Variants in CA10 observed in about 807,000 individuals in gnomAD.
The protein encoded by CA10 is carbonic anhydrase-related protein 10.
CA10 carries 14 observed loss-of-function variants against 44.2 expected under a neutral mutation model. That is an observed-to-expected ratio of 0.32 (90% CI 0.21 to 0.50). The LOEUF (loss-of-function observed/expected upper bound fraction) is 0.50, where lower values mean the gene tolerates loss of function less well. Ranked by LOEUF, CA10 falls within the 20% of genes least tolerant of loss-of-function variation. The pLI is 0.99. For missense variants in CA10, 350 were observed against 409.7 expected, an observed-to-expected ratio of 0.85 and a Z score of 1.26; for synonymous variants, 159 against 141.6, an observed-to-expected ratio of 1.12 and a Z score of -0.87.
intron 1 of CA10, among the ~76,000 whole-genome samples, chr17:52,074,245 A>G (rs1010471370): frequency 7.9e-5 from 12 of 152,156 alleles, no homozygotes; most frequent in Non-Finnish European, 1.8e-4. Context: ...AAAAACAACA[A>G]CAAGAAAACC....
At chr17:51,676,376 C>A (rs1039603298) in intron 4 of CA10, among the ~76,000 whole-genome samples, 3 of 152,168 alleles carry the variant, frequency 2.0e-5, no homozygotes, top group African/African-American at 4.8e-5. Flanking sequence ...TGCTCACTTG[C>A]TCTTACTCCT....
At chr17:51,926,633 C>G (rs780866565) in intron 3 of CA10, among the ~76,000 whole-genome samples, 1 of 152,192 alleles carries the variant, frequency 6.6e-6, no homozygotes, top group African/African-American at 2.4e-5. Context: ...CCAGAGGCCT[C>G]CTTGGCTCAT....
rs564792338 is a variant in CA10 at position 52,088,177 on chromosome 17, G to A, written c.62-15784C>T. ...AATAATCTGTAAAACAAGCCCTCTTGACACAAGTTTACCTATGTAACAAAC... is the reference window on the plus strand; with the variant it reads ...AATAATCTGTAAAACAAGCCCTCTTAACACAAGTTTACCTATGTAACAAAC... On this transcript the variant is annotated intron_variant, in intron 1 of 8. Transcript: ENST00000451037. Among the ~76,000 whole-genome samples the A allele has an allele frequency of 1.2e-3, 187 of 152,158 alleles. 1 individual carries two copies. The highest frequency in any genetic ancestry group is 4.2e-3 in the African/African-American group (175 of 41,516).
At chr17:51,960,520 A>G (rs1267213970) in intron 2 of CA10, among the ~76,000 whole-genome samples, 1 of 152,208 alleles carries the variant, frequency 6.6e-6, no homozygotes, top group Non-Finnish European at 1.5e-5. Context: ...AACACTTTAC[A>G]TATAGAAAAA....
chr17:51,754,847 CTT>C (rs1382228771), intron 3 of CA10, among the ~76,000 whole-genome samples: 1 of 152,076 alleles, frequency 6.6e-6, no homozygotes, highest in Non-Finnish European at 1.5e-5. Flanking sequence ...TCAAATAGCT[CTT>C]AACCAAATAG....
intron 1 of CA10, among the ~76,000 whole-genome samples, chr17:52,113,690 C>T (rs983303752): frequency 1.3e-5 from 2 of 152,108 alleles, no homozygotes; most frequent in Non-Finnish European, 2.9e-5. Context: ...TTAACCAAAA[C>T]ACAAGAAAAT....
intron 1 of CA10, among the ~76,000 whole-genome samples, chr17:52,127,673 C>T (rs960105188): frequency 3.3e-5 from 5 of 152,150 alleles, no homozygotes; most frequent in Non-Finnish European, 7.3e-5. Flanking sequence ...GTAGGTAAAT[C>T]CCAAGAGGTG....
At chr17:52,064,645 C>T (rs193011957) in intron 2 of CA10, among the ~76,000 whole-genome samples, 1 of 151,910 alleles carries the variant, frequency 6.6e-6, no homozygotes, top group African/African-American at 2.4e-5. Flanking sequence ...GTATAATTAC[C>T]TTCCTTGTCC....
intron 1 of CA10, among the ~76,000 whole-genome samples, chr17:52,110,512 G>A (rs1179582296): frequency 6.6e-6 from 1 of 152,338 alleles, no homozygotes; most frequent in East Asian, 1.9e-4. Flanking sequence ...TAATACCACT[G>A]TATCCTAGGT....
chr17:52,021,946 G>A (rs1349475907), intron 2 of CA10, among the ~76,000 whole-genome samples: 1 of 151,948 alleles, frequency 6.6e-6, no homozygotes, highest in African/African-American at 2.4e-5. Context: ...CCAGGACCAG[G>A]TGGATTCACA....
chr17:52,087,080 T>C (rs1453857187), intron 1 of CA10, among the ~76,000 whole-genome samples: 9 of 152,184 alleles, frequency 5.9e-5, no homozygotes, highest in East Asian at 3.8e-4. Flanking sequence ...AACAACTCAA[T>C]TGGCTACAGA....
intron 4 of CA10, among the ~76,000 whole-genome samples, chr17:51,746,903 T>C (rs1904708758): frequency 6.6e-6 from 1 of 152,246 alleles, no homozygotes; most frequent in Non-Finnish European, 1.5e-5. Context: ...TTGAGGACTC[T>C]TAAGCAGAAA....
At chr17:51,743,977 C>A (rs1454050180) in intron 4 of CA10, among the ~76,000 whole-genome samples, 2 of 152,172 alleles carry the variant, frequency 1.3e-5, no homozygotes, top group Non-Finnish European at 2.9e-5. Context: ...GATATGTTGA[C>A]TTTTACTGAG....
At chr17:51,709,103 G>T (rs1258273371) in intron 4 of CA10, among the ~76,000 whole-genome samples, 2 of 149,478 alleles carry the variant, frequency 1.3e-5, no homozygotes, top group African/African-American at 2.6e-5. Context: ...TACAGATTCT[G>T]AGGGCAGAAA....
At chr17:51,789,033 A>G (rs1448721566) in intron 3 of CA10, among the ~76,000 whole-genome samples, 5 of 152,052 alleles carry the variant, frequency 3.3e-5, no homozygotes, top group African/African-American at 1.2e-4. Flanking sequence ...TTTTTGAGAT[A>G]GAGTCTCTCT....
At chr17:51,944,502 C>T (rs965446829) in intron 2 of CA10, among the ~76,000 whole-genome samples, 1 of 152,100 alleles carries the variant, frequency 6.6e-6, no homozygotes, top group Non-Finnish European at 1.5e-5. Context: ...TTAACAAGAA[C>T]ATAATTTATC....
At chr17:51,663,197 C>CT (rs772717489) in intron 4 of CA10, among the ~76,000 whole-genome samples, 4 of 142,052 alleles carry the variant, frequency 2.8e-5, no homozygotes, top group Admixed American at 1.4e-4. Flanking sequence ...TTCCGTGATG[C>CT]TTTTTTTTTT....
intron 3 of CA10, among the ~76,000 whole-genome samples, chr17:51,919,105 T>TA (rs1452462224): frequency 1.3e-5 from 2 of 152,192 alleles, no homozygotes; most frequent in Non-Finnish European, 2.9e-5. Context: ...AGCATTTTCT[T>TA]AAGTCCTTCA....
At chr17:51,877,542 C>A (rs1166597955) in intron 3 of CA10, among the ~76,000 whole-genome samples, 1 of 152,132 alleles carries the variant, frequency 6.6e-6, no homozygotes, top group Admixed American at 6.5e-5. Flanking sequence ...AATGCATTAG[C>A]AGAACTACTT....
Sources: gnomAD v4.1 joint callset for allele counts (sites outside exome capture counted in the v4.1 genomes callset) on GRCh38, gnomAD v4.1.1 for gene constraint, MANE v1.5 for transcripts, NCBI Gene and HGNC (gene_info 2026-07-23, HGNC 2026-07-21) for gene names.